The following VRK2 variants were observed in gnomAD, a reference collection of about 807,000 sequenced individuals.
VRK2 encodes the protein serine/threonine-protein kinase VRK2.
Under a neutral mutation model 57.6 loss-of-function variants are expected in VRK2, and 60 were observed. That is an observed-to-expected ratio of 1.04 (90% CI 0.85 to 1.29). VRK2 has a LOEUF of 1.29. Ranked by LOEUF, VRK2 falls within the 50% of genes most tolerant of loss-of-function variation. VRK2 has a pLI of 0.00. For missense variants in VRK2, 705 were observed against 588.1 expected, an observed-to-expected ratio of 1.20 and a Z score of -2.06; for synonymous variants, 231 against 199.2, an observed-to-expected ratio of 1.16 and a Z score of -1.35.
intron 1 of VRK2, among the ~76,000 whole-genome samples, chr2:57,982,636 G>C (rs1672459458): frequency 6.6e-6 from 1 of 152,180 alleles, no homozygotes; most frequent in Non-Finnish European, 1.5e-5. Context: ...GGCAAGCTGA[G>C]GCTGCCCTGC....
intron 1 of VRK2, among the ~76,000 whole-genome samples, chr2:57,950,864 C>T (rs1238605068): frequency 2.0e-5 from 3 of 151,980 alleles, no homozygotes; most frequent in Admixed American, 6.6e-5. Flanking sequence ...GAGGCTGAGG[C>T]GGGTGGATCA....
intron 1 of VRK2, among the ~76,000 whole-genome samples, chr2:57,920,833 G>T (rs369400137): frequency 6.6e-5 from 10 of 152,108 alleles, no homozygotes; most frequent in East Asian, 3.9e-4. Context: ...GCTGGGTGTA[G>T]GTGGCTGCCT....
At chr2:57,933,904 G>C (rs906611547) in intron 1 of VRK2, among the ~76,000 whole-genome samples, 11 of 151,808 alleles carry the variant, frequency 7.2e-5, no homozygotes, top group African/African-American at 2.4e-4. Context: ...CTATAGGTTT[G>C]AGTGGTGTTT....
intron 1 of VRK2, among the ~76,000 whole-genome samples, chr2:57,935,595 T>C (rs913820839): frequency 6.6e-5 from 10 of 152,162 alleles, no homozygotes; most frequent in African/African-American, 2.4e-4. Flanking sequence ...GTAAAATTCA[T>C]GGGCCAGCTT....
chr2:58,132,349 A>T (rs1221030126), intron 9 of VRK2, among the ~76,000 whole-genome samples: 1 of 152,210 alleles, frequency 6.6e-6, no homozygotes. Context: ...AGTGAGAGCA[A>T]CATACCTCTT....
chr2:57,933,821 C>T (rs1264551792), intron 1 of VRK2, among the ~76,000 whole-genome samples: 1 of 152,240 alleles, frequency 6.6e-6, no homozygotes, highest in East Asian at 1.9e-4. Flanking sequence ...CTTTTCCTCT[C>T]GCTGTCTTCC....
At chr2:57,917,540 T>C (rs781762354) in intron 1 of VRK2, among the ~76,000 whole-genome samples, 1 of 149,696 alleles carries the variant, frequency 6.7e-6, no homozygotes, top group African/African-American at 2.5e-5. Context: ...AAATTAGTCA[T>C]ACTAGATCTA....
chr2:58,088,493 C>T, intron 6 of VRK2, 47 bp downstream of exon 6: 2 of 1,329,734 alleles, frequency 1.5e-6, no homozygotes, highest in Non-Finnish European at 1.1e-6. Flanking sequence ...TTGTTTACTT[C>T]TTGCAATATA....
At chr2:58,054,025 C>T (rs781499291) in intron 2 of VRK2, among the ~76,000 whole-genome samples, 5 of 151,954 alleles carry the variant, frequency 3.3e-5, no homozygotes, top group Non-Finnish European at 5.9e-5. Context: ...GACTTACAGA[C>T]AAGAAATAAA....
At chr2:57,916,350 G>A (rs970923955) in intron 1 of VRK2, among the ~76,000 whole-genome samples, 1 of 149,958 alleles carries the variant, frequency 6.7e-6, no homozygotes, top group African/African-American at 2.5e-5. Flanking sequence ...AGGTTGCGGT[G>A]AGCTGAGATC....
At chr2:58,152,417 G>A (rs1193440307) in intron 12 of VRK2, among the ~76,000 whole-genome samples, 1 of 151,618 alleles carries the variant, frequency 6.6e-6, no homozygotes, top group African/African-American at 2.4e-5. Flanking sequence ...TATACGTTTT[G>A]CTTTTACATG....
At chr2:57,976,106 G>C (rs796973385) in intron 1 of VRK2, among the ~76,000 whole-genome samples, 13 of 152,066 alleles carry the variant, frequency 8.5e-5, no homozygotes, top group African/African-American at 2.9e-4. Context: ...TCATTCTTTC[G>C]TGGCTGTGTA....
At chr2:58,089,506 T>G (rs1250584944) in intron 6 of VRK2, 125 bp from the exon 7 acceptor site, 5 of 503,586 alleles carry the variant, frequency 9.9e-6, no homozygotes, top group Non-Finnish European at 1.7e-5. Context: ...AACCAGTAAT[T>G]GTGAAATACA....
At chr2:58,066,044 TCA>T (rs1298586873) in intron 2 of VRK2, among the ~76,000 whole-genome samples, 1 of 152,166 alleles carries the variant, frequency 6.6e-6, no homozygotes, top group African/African-American at 2.4e-5. Flanking sequence ...ACGTACACAA[TCA>T]CATCATCTGG....
chr2:57,964,233 A>G (rs1364026811), intron 1 of VRK2, among the ~76,000 whole-genome samples: 1 of 152,248 alleles, frequency 6.6e-6, no homozygotes, highest in African/African-American at 2.4e-5. Flanking sequence ...CATATGTTAT[A>G]TGTATTATAA....
chr2:57,972,343 A>C (rs1208078601), intron 1 of VRK2, among the ~76,000 whole-genome samples: 1 of 151,838 alleles, frequency 6.6e-6, no homozygotes, highest in Non-Finnish European at 1.5e-5. Context: ...ATTTTTAAAA[A>C]TCTACACCTC....
intron 1 of VRK2, chr2:58,047,370 T>A: frequency 5.2e-6 from 5 of 970,180 alleles, no homozygotes; most frequent in Non-Finnish European, 6.1e-6. Context: ...ATCTTAGCCC[T>A]GGGAAGGTAC....
intron 2 of VRK2, among the ~76,000 whole-genome samples, chr2:58,076,378 A>G (rs7587116): frequency 0.026 from 3,953 of 152,000 alleles, 169 homozygotes; most frequent in African/African-American, 0.091. Flanking sequence ...CACAAAGCCT[A>G]TTTTCTAATA....
At chr2:58,023,935 A>C (rs1335647937) in intron 1 of VRK2, among the ~76,000 whole-genome samples, 2 of 152,126 alleles carry the variant, frequency 1.3e-5, no homozygotes, top group Non-Finnish European at 2.9e-5. Flanking sequence ...GTTTGTAATC[A>C]CACAATTGAG....
Sources: allele counts gnomAD v4.1 joint callset (sites outside exome capture counted in the v4.1 genomes callset), GRCh38; gene constraint gnomAD v4.1.1; transcripts MANE v1.5; gene names NCBI Gene and HGNC (gene_info 2026-07-23, HGNC 2026-07-21).